CYB5R4: variants seen among roughly 807,000 people sequenced by gnomAD.
CYB5R4 encodes N-terminal cytochrome b5 and cytochrome b5 oxidoreductase domain-containing protein.
In CYB5R4, 55 loss-of-function variants were observed where a neutral mutation model predicts 70.2. The observed-to-expected ratio is 0.78, with a 90% confidence interval of 0.63 to 0.98. CYB5R4 has a LOEUF of 0.98. CYB5R4 is among the 50% of genes least tolerant of loss of function. CYB5R4 has a pLI of 0.00. For synonymous variants in CYB5R4, 197 were observed against 199.5 expected, an observed-to-expected ratio of 0.99 and a Z score of 0.11; for missense variants, 562 against 612.6, an observed-to-expected ratio of 0.92 and a Z score of 0.87.
At chr6:83,945,487 C>T (rs1438332897) in intron 14 of CYB5R4, among the ~76,000 whole-genome samples, 1 of 152,146 alleles carries the variant, frequency 6.6e-6, no homozygotes, top group East Asian at 1.9e-4. Flanking sequence ...CTAAAATCGA[C>T]ACCCTAACAT....
At chr6:83,924,069 CAAAA>C (rs34702511) in intron 9 of CYB5R4, among the ~76,000 whole-genome samples, 8 of 52,898 alleles carry the variant, frequency 1.5e-4, no homozygotes, top group Non-Finnish European at 2.4e-4. Flanking sequence ...GACTCCGTCT[CAAAA>C]AAAAAAAAAA....
rs998837757 is a variant in CYB5R4, at chr6:83,961,273, T to G, written c.*1395T>G. 1 of 152,196 alleles carries G rather than the reference T, an allele frequency of 6.6e-6. No individual in the cohort carries two copies. Among genetic ancestry groups the G allele is most frequent in the African/African-American group, 2.4e-5 (1 of 41,452 alleles). The allele number at this position is 152,196 out of a possible 1,614,324, so 9.4% of individuals were successfully genotyped here. A position where few individuals can be genotyped will look rare whatever the true frequency, so the allele number is the denominator to read the frequency against. ...GCTGTCCTGGACTGGTACTGTTCCC[T>G]GGTAGGTAACAAGAACTTTTTCTAG... On this transcript the variant is annotated 3_prime_UTR_variant, in exon 16 of 16. Transcript: ENST00000369681.
At chr6:83,950,903 A>G (rs887407673) in intron 14 of CYB5R4, among the ~76,000 whole-genome samples, 1 of 152,064 alleles carries the variant, frequency 6.6e-6, no homozygotes, top group African/African-American at 2.4e-5. Context: ...TACTCATTGT[A>G]TTGTGTGTTT....
At chr6:83,900,639 A>C (rs1471347416) in intron 3 of CYB5R4, among the ~76,000 whole-genome samples, 2 of 152,126 alleles carry the variant, frequency 1.3e-5, no homozygotes, top group African/African-American at 4.8e-5. Flanking sequence ...TGTTTTATGA[A>C]TCTGGGTGCT....
At chr6:83,889,196 T>C (rs2099460730) in intron 2 of CYB5R4, among the ~76,000 whole-genome samples, 1 of 152,226 alleles carries the variant, frequency 6.6e-6, no homozygotes, top group Non-Finnish European at 1.5e-5. Context: ...CTAGAAGATC[T>C]AGCTAAGATC....
At chr6:83,903,069 A>C (rs922958570) in intron 3 of CYB5R4, among the ~76,000 whole-genome samples, 9 of 152,040 alleles carry the variant, frequency 5.9e-5, no homozygotes, top group African/African-American at 1.7e-4. Flanking sequence ...AAATAGGGGT[A>C]GTGAAAGTGG....
chr6:83,898,473 T>G (rs1237009363), intron 3 of CYB5R4, among the ~76,000 whole-genome samples: 172 of 152,350 alleles, frequency 1.1e-3, no homozygotes, highest in African/African-American at 3.9e-3. Flanking sequence ...ATGTGAACTT[T>G]AAAGTAGTTT....
At position 83,918,200 on chromosome 6, in the gene CYB5R4, G is replaced by A. The variant is rs1302039101; in HGVS notation, c.506+135G>A. On this transcript the variant is annotated intron_variant, in intron 6 of 15. Transcript: ENST00000369681. ...TGCTCTTTGACACAAGAACTGTAAT[G>A]CCTCATTTATTAGATGTTGTTGGAG... The A allele has an allele frequency of 1.1e-5, 6 of 552,010 alleles. No homozygotes were observed. The Middle Eastern group carries it at 2.1e-3, about 190-fold the overall frequency. 34.2% of individuals were successfully genotyped at this position (552,010 alleles called of 1,614,324 possible). A position where few individuals can be genotyped will look rare whatever the true frequency, so the allele number is the denominator to read the frequency against.
intron 2 of CYB5R4, among the ~76,000 whole-genome samples, chr6:83,881,563 G>T (rs1478644480): frequency 1.3e-5 from 2 of 152,110 alleles, no homozygotes; most frequent in African/African-American, 4.8e-5. Flanking sequence ...ACCTTTTGGG[G>T]GTTCTGTTGA....
chr6:83,871,887 C>A (rs1463494633), intron 2 of CYB5R4, among the ~76,000 whole-genome samples: 2 of 151,422 alleles, frequency 1.3e-5, no homozygotes, highest in African/African-American at 4.9e-5. Flanking sequence ...TTTTCTTGAT[C>A]AGTCTTACTA....
chr6:83,940,093 T>G lies in CYB5R4; in HGVS notation c.1146T>G (p.Phe382Leu), dbSNP rs753628844. 6.2e-7 allele frequency: 1 copy of G among 1,611,688 alleles called. No homozygotes were observed. The highest frequency in any genetic ancestry group is 1.7e-5 in the Admixed American group (1 of 59,840). ...CTGTAAGCAGTCCTGAGGGCAATTTTAAAATATCCAAGTTCCAAGAATTAG... is the reference window on the plus strand; with the variant it reads ...CTGTAAGCAGTCCTGAGGGCAATTTGAAAATATCCAAGTTCCAAGAATTAG... ...FVSVSSPEGN[F>L]KISKFQELED... Residue 382 changes from phenylalanine to leucine, a missense_variant, in exon 13 of 16, where the codon TTT (phenylalanine) becomes TTG (leucine). Transcript: ENST00000369681.
chr6:83,897,309 A>G (rs1226719776), intron 3 of CYB5R4, among the ~76,000 whole-genome samples: 1 of 151,020 alleles, frequency 6.6e-6, no homozygotes, highest in African/African-American at 2.4e-5. Context: ...CCAGTCTATC[A>G]TTGTTGGTTC....
chr6:83,960,534 CT>C lies in CYB5R4; in HGVS notation c.*659del, dbSNP rs1422326424. On this transcript the variant is annotated 3_prime_UTR_variant, in exon 16 of 16. Transcript: ENST00000369681. ...TATTAGAGACATGACACACATGCGC[CT>C]TTGGACTAGGTGTGTTAACAGAGCT... The C allele has an allele frequency of 6.6e-6, 1 of 152,160 alleles. No individual in the cohort carries two copies. The highest frequency in any genetic ancestry group is 1.5e-5 in the Non-Finnish European group (1 of 68,036). The allele number at this position is 152,160 out of a possible 1,614,324, so 9.4% of individuals were successfully genotyped here.
At chr6:83,877,124 C>T (rs534240753) in intron 2 of CYB5R4, among the ~76,000 whole-genome samples, 1 of 152,302 alleles carries the variant, frequency 6.6e-6, no homozygotes, top group East Asian at 1.9e-4. Context: ...GCAACCGCAC[C>T]CAGCCCTTTT....
In CYB5R4 at chr6:83,864,334, T is replaced by A. The variant is rs576309301; in HGVS notation, c.229+6T>A. The A allele has an allele frequency of 1.2e-6, 2 of 1,605,566 alleles. No individual in the cohort carries two copies. The highest frequency in any genetic ancestry group is 3.4e-5 in the Admixed American group (2 of 58,160). On this transcript the variant is annotated splice_donor_region_variant and intron_variant, in intron 2 of 15. Coordinates refer to ENST00000369681, the MANE Select transcript of CYB5R4 (RefSeq NM_016230.4). ...TTGTTGGATATGCATAAGAGGTAGG[T>A]GGTATTTATTAAGTCCTTCAAAAAA...
chr6:83,947,045 G>GA (rs1333185819), intron 14 of CYB5R4, among the ~76,000 whole-genome samples: 2 of 151,924 alleles, frequency 1.3e-5, no homozygotes, highest in African/African-American at 2.4e-5. Context: ...CACAGAATTA[G>GA]AAAAAAACTA....
intron 2 of CYB5R4, among the ~76,000 whole-genome samples, chr6:83,880,134 A>G (rs2099459226): frequency 6.6e-6 from 1 of 152,316 alleles, no homozygotes; most frequent in Non-Finnish European, 1.5e-5. Context: ...GTAATTGTAC[A>G]TATTTATGGG....
intron 10 of CYB5R4, among the ~76,000 whole-genome samples, chr6:83,927,842 C>T (rs966729044): frequency 5.3e-5 from 8 of 152,156 alleles, no homozygotes; most frequent in Non-Finnish European, 1.0e-4. Context: ...AAGGGGCCTG[C>T]TGGTTCCAAT....
chr6:83,897,588 C>G (rs571680737), intron 3 of CYB5R4, among the ~76,000 whole-genome samples: 108 of 152,310 alleles, frequency 7.1e-4, no homozygotes, highest in South Asian at 1.2e-3. Context: ...GATGGCCATT[C>G]TAACTGGTGG....
Sources: allele counts gnomAD v4.1 joint callset (sites outside exome capture counted in the v4.1 genomes callset), GRCh38; gene constraint gnomAD v4.1.1; transcripts MANE v1.5; gene names NCBI Gene and HGNC (gene_info 2026-07-23, HGNC 2026-07-21).